BMERB1: variants seen among roughly 807,000 people sequenced by gnomAD.
BMERB1 encodes the protein bMERB domain-containing protein 1.
In BMERB1, 12 loss-of-function variants were observed where a neutral mutation model predicts 23.6. That is an observed-to-expected ratio of 0.51 (90% CI 0.33 to 0.82). BMERB1 has a LOEUF of 0.82. Among genes scored for constraint, BMERB1 ranks in the 40% least tolerant of loss-of-function variants. The pLI is 0.03. For missense variants in BMERB1, 247 were observed against 255.4 expected (o/e 0.97, Z 0.22); for synonymous variants, 122 against 96.6 (o/e 1.26, Z -1.54).
At chr16:15,526,403 C>T (rs147421957) in intron 2 of BMERB1, among the ~76,000 whole-genome samples, 1 of 152,214 alleles carries the variant, frequency 6.6e-6, no homozygotes, top group East Asian at 1.9e-4. Context: ...TGGTGGCTCA[C>T]GCCTCTAATC....
intron 1 of BMERB1, among the ~76,000 whole-genome samples, chr16:15,493,696 C>A (rs2051444570): frequency 6.6e-6 from 1 of 151,910 alleles, no homozygotes; most frequent in African/African-American, 2.4e-5. Context: ...CCTGCGTCCC[C>A]CCTCCGCAGA....
chr16:15,519,089 A>ACACACACGCG (rs780717498), intron 2 of BMERB1, among the ~76,000 whole-genome samples: 1 of 146,320 alleles, frequency 6.8e-6, no homozygotes, highest in African/African-American at 2.7e-5. Context: ...ACACACACAC[A>ACACACACGCG]CACACACACA....
At chr16:15,524,663 G>A (rs770917938) in intron 2 of BMERB1, among the ~76,000 whole-genome samples, 8 of 152,130 alleles carry the variant, frequency 5.3e-5, no homozygotes, top group Non-Finnish European at 8.8e-5. Context: ...CCAGCTACTC[G>A]AGAGGCTTGA....
At chr16:15,540,686 A>G (rs1369866104) in intron 2 of BMERB1, among the ~76,000 whole-genome samples, 1 of 152,200 alleles carries the variant, frequency 6.6e-6, no homozygotes, top group African/African-American at 2.4e-5. Flanking sequence ...GGCTGGTGTG[A>G]GGAGGTCAGG....
chr16:15,474,036 C>T (rs567023663), intron 1 of BMERB1, among the ~76,000 whole-genome samples: 35 of 150,598 alleles, frequency 2.3e-4, no homozygotes, highest in African/African-American at 7.8e-4. Flanking sequence ...AGGAGAATGG[C>T]GTGAACCCAG....
At chr16:15,519,245 A>G (rs1232866989) in intron 2 of BMERB1, among the ~76,000 whole-genome samples, 1 of 152,138 alleles carries the variant, frequency 6.6e-6, no homozygotes, top group East Asian at 1.9e-4. Flanking sequence ...GCCGTAGTGT[A>G]ATAGCCGCGG....
intron 5 of BMERB1, among the ~76,000 whole-genome samples, chr16:15,586,515 A>C (rs1379747770): frequency 1.3e-5 from 2 of 151,118 alleles, no homozygotes; most frequent in African/African-American, 4.8e-5. Flanking sequence ...GGACCATATA[A>C]AATGAGGACT....
chr16:15,537,948 C>T (rs1046023260), intron 2 of BMERB1, among the ~76,000 whole-genome samples: 3 of 152,254 alleles, frequency 2.0e-5, no homozygotes, highest in Admixed American at 6.5e-5. Flanking sequence ...CATGAGCCAC[C>T]GTGCGTGGCT....
At chr16:15,543,424 G>A (rs1310831698) in intron 2 of BMERB1, among the ~76,000 whole-genome samples, 1 of 152,054 alleles carries the variant, frequency 6.6e-6, no homozygotes, top group African/African-American at 2.4e-5. Context: ...CTTGAGGGTG[G>A]AGCCCTCACC....
chr16:15,489,180 C>T (rs1046610850), intron 1 of BMERB1, among the ~76,000 whole-genome samples: 1 of 152,126 alleles, frequency 6.6e-6, no homozygotes. Context: ...GTAGGGTAAG[C>T]CCCATTAAAT....
chr16:15,547,266 C>G (rs912419646), intron 2 of BMERB1, among the ~76,000 whole-genome samples: 10 of 151,712 alleles, frequency 6.6e-5, no homozygotes, highest in African/African-American at 2.4e-4. Context: ...CCCGCCTCTG[C>G]CTTCTAAAGT....
intron 1 of BMERB1, among the ~76,000 whole-genome samples, chr16:15,452,511 A>G (rs948456926): frequency 1.3e-5 from 2 of 152,112 alleles, no homozygotes; most frequent in Non-Finnish European, 1.5e-5. Context: ...CCAAGATTCA[A>G]GTACCTGGGG....
chr16:15,575,351 T>C (rs2030831670), intron 3 of BMERB1, among the ~76,000 whole-genome samples: 1 of 152,148 alleles, frequency 6.6e-6, no homozygotes, highest in South Asian at 2.1e-4. Context: ...CTCCAGATTC[T>C]AACTTCCTTG....
At chr16:15,566,923 C>G (rs1032019138) in intron 2 of BMERB1, among the ~76,000 whole-genome samples, 2 of 151,874 alleles carry the variant, frequency 1.3e-5, no homozygotes, top group Non-Finnish European at 2.9e-5. Flanking sequence ...GTGGCTCATA[C>G]CTATATCCCA....
chr16:15,485,226 C>G (rs1440358490), intron 1 of BMERB1, among the ~76,000 whole-genome samples: 2 of 152,056 alleles, frequency 1.3e-5, no homozygotes, highest in Non-Finnish European at 1.5e-5. Context: ...GGTTCTGGGT[C>G]GTATGTTCAT....
At position 15,581,240 on chromosome 16, in the gene BMERB1, A is replaced by G; in HGVS notation, c.328A>G (p.Lys110Glu). 1.2e-6 allele frequency: 2 copies of G among 1,613,512 alleles called. No individual in the cohort carries two copies. The highest frequency in any genetic ancestry group is 1.7e-6 in the Non-Finnish European group (2 of 1,179,784). ...IPEKEKTKLQ[K>E]QREDELIQKI... ...AGAAAAAGAAAAAACCAAACTGCAGAAGCAGAGAGAGGATGAGCTAATCCA... is the reference window on the plus strand; with the variant it reads ...AGAAAAAGAAAAAACCAAACTGCAGGAGCAGAGAGAGGATGAGCTAATCCA... The change falls in exon 4 of 6, where the codon AAG becomes GAG. Residue 110 changes from lysine to glutamate, a missense_variant. Lys to Glu is a moderately conservative substitution (Grantham distance 56). Transcript: ENST00000300006.
chr16:15,518,135 G>A (rs568472202), intron 2 of BMERB1, among the ~76,000 whole-genome samples: 109 of 152,292 alleles, frequency 7.2e-4, no homozygotes, highest in African/African-American at 2.5e-3. Context: ...TTTCTTAAGA[G>A]GCAGCTCTGC....
intron 1 of BMERB1, among the ~76,000 whole-genome samples, chr16:15,506,162 A>C (rs2051588470): frequency 6.6e-6 from 1 of 151,574 alleles, no homozygotes; most frequent in African/African-American, 2.4e-5. Context: ...TTACCTTCCT[A>C]ATCTTTTGTT....
intron 1 of BMERB1, among the ~76,000 whole-genome samples, chr16:15,480,011 T>C (rs1262668175): frequency 1.4e-5 from 2 of 147,090 alleles, no homozygotes; most frequent in African/African-American, 5.0e-5. Context: ...TATATATATA[T>C]AATATATATA....
Sources: gnomAD v4.1 joint callset for allele counts (sites outside exome capture counted in the v4.1 genomes callset) on GRCh38, gnomAD v4.1.1 for gene constraint, MANE v1.5 for transcripts, NCBI Gene and HGNC (gene_info 2026-07-23, HGNC 2026-07-21) for gene names.